The following MALRD1 variants were observed in gnomAD, a reference collection of about 807,000 sequenced individuals.
MALRD1 encodes the protein MAM and LDL-receptor class A domain-containing protein 1.
Under a neutral mutation model 242.1 loss-of-function variants are expected in MALRD1, and 247 were observed. The ratio of observed to expected loss-of-function variants is 1.02; its 90% CI spans 0.92 to 1.13. The LOEUF (loss-of-function observed/expected upper bound fraction) is 1.13. MALRD1 is among the 50% of genes most tolerant of loss of function. MALRD1 has a pLI of 0.00. For missense variants in MALRD1, 2,989 were observed against 2,533.1 expected, an observed-to-expected ratio of 1.18 and a Z score of -3.86; for synonymous variants, 995 against 866.6, an observed-to-expected ratio of 1.15 and a Z score of -2.60.
chr10:19,649,908 T>C (rs950195280), intron 36 of MALRD1, among the ~76,000 whole-genome samples: 3 of 152,128 alleles, frequency 2.0e-5, no homozygotes, highest in African/African-American at 7.2e-5. Context: ...TTATATATGG[T>C]GTGAGGAAGG....
intron 28 of MALRD1, among the ~76,000 whole-genome samples, chr10:19,391,475 G>A (rs1380022412): frequency 6.6e-6 from 1 of 152,150 alleles, no homozygotes; most frequent in African/African-American, 2.4e-5. Context: ...CTAGCTAGAT[G>A]GTAAGCCCAA....
chr10:19,308,835 GA>G (rs1457061332), intron 21 of MALRD1, among the ~76,000 whole-genome samples: 1 of 151,582 alleles, frequency 6.6e-6, no homozygotes, highest in Non-Finnish European at 1.5e-5. Context: ...TCCAAATTCA[GA>G]GAAAGAAATG....
rs1833971490 is a variant in MALRD1, at chr10:19,708,587, T to C, written c.6314+16033T>C. Among the ~76,000 whole-genome samples the C allele has an allele frequency of 2.6e-5, 3 of 114,652 alleles. 1 individual carries two copies. Among genetic ancestry groups the C allele is most frequent in the Non-Finnish European group, 6.0e-5 (3 of 50,312 alleles). 75.2% of individuals were successfully genotyped at this position (114,652 alleles called of 152,430 possible). ...ATTCAAACTCCTGGGCTCAAGTGAT[T>C]CTCCTGCCGGGGCCTCCCAAAGTAC... On this transcript the variant is annotated intron_variant, in intron 38 of 39. Coordinates refer to ENST00000454679, the MANE Select transcript of MALRD1 (RefSeq NM_001142308.3).
chr10:19,306,280 C>T (rs527592577), intron 21 of MALRD1, among the ~76,000 whole-genome samples: 9 of 128,080 alleles, frequency 7.0e-5, no homozygotes, highest in South Asian at 2.3e-4. Context: ...CTATATATAC[C>T]GTATATAGTA....
intron 26 of MALRD1, among the ~76,000 whole-genome samples, chr10:19,359,480 T>C (rs1263570911): frequency 1.3e-5 from 2 of 152,050 alleles, no homozygotes; most frequent in Non-Finnish European, 2.9e-5. Flanking sequence ...CTGTTCATCA[T>C]GGGTGTTGCT....
At chr10:19,224,261 C>G (rs1330007000) in intron 18 of MALRD1, among the ~76,000 whole-genome samples, 1 of 150,768 alleles carries the variant, frequency 6.6e-6, no homozygotes, top group Admixed American at 6.7e-5. Flanking sequence ...GAGATGGTAT[C>G]TCATTGGACC....
intron 29 of MALRD1, among the ~76,000 whole-genome samples, chr10:19,479,851 C>T (rs375335558): frequency 5.3e-5 from 8 of 152,154 alleles, no homozygotes; most frequent in East Asian, 3.9e-4. Context: ...TTTCCATCCA[C>T]GTGGAGAGGT....
chr10:19,541,892 A>G (rs1490508516), intron 32 of MALRD1, among the ~76,000 whole-genome samples: 1 of 152,222 alleles, frequency 6.6e-6, no homozygotes, highest in Non-Finnish European at 1.5e-5. Flanking sequence ...AAACCATAGG[A>G]TGGCAAAAAA....
At chr10:19,315,569 A>ATATATAAATTATAAATTATAAATATT (rs1280643539) in intron 21 of MALRD1, among the ~76,000 whole-genome samples, 2 of 123,916 alleles carry the variant, frequency 1.6e-5, no homozygotes, top group South Asian at 2.4e-4. Context: ...ATTTATATAA[A>ATATATAAATTATAAATTATAAATATT]TATATAAATT....
intron 36 of MALRD1, among the ~76,000 whole-genome samples, chr10:19,649,079 T>C (rs1840763090): frequency 6.6e-6 from 1 of 152,232 alleles, no homozygotes; most frequent in African/African-American, 2.4e-5. Context: ...CTTGTTCTTT[T>C]TATGGCTGCA....
At chr10:19,384,243 T>TTA (rs1026831220) in intron 26 of MALRD1, among the ~76,000 whole-genome samples, 4 of 142,876 alleles carry the variant, frequency 2.8e-5, no homozygotes, top group African/African-American at 1.0e-4. Context: ...TTGTAAGAGT[T>TTA]TATATATATA....
chr10:19,631,245 T>G (rs909874005), intron 36 of MALRD1, among the ~76,000 whole-genome samples: 2 of 152,190 alleles, frequency 1.3e-5, no homozygotes, highest in African/African-American at 4.8e-5. Flanking sequence ...ACAGGTGGAA[T>G]GTAGTTTTTT....
intron 29 of MALRD1, among the ~76,000 whole-genome samples, chr10:19,451,270 C>T (rs1489646770): frequency 3.3e-5 from 5 of 151,932 alleles, no homozygotes; most frequent in African/African-American, 9.7e-5. Context: ...TAAATTCAAT[C>T]AGGCAAAATT....
chr10:19,687,910 AATGTTATGTTATGTT>A (rs55753738), intron 36 of MALRD1, among the ~76,000 whole-genome samples: 39,334 of 137,152 alleles, frequency 0.29, 5,991 homozygotes, highest in African/African-American at 0.37. Flanking sequence ...TTATTTTTTT[AATGTTATGTTATGTT>A]ATGTTATGTT....
chr10:19,316,342 G>T (rs950709853), intron 21 of MALRD1, among the ~76,000 whole-genome samples: 3 of 151,826 alleles, frequency 2.0e-5, no homozygotes, highest in South Asian at 2.1e-4. Flanking sequence ...TCAAAAACAA[G>T]ACTTTCTTGG....
intron 18 of MALRD1, among the ~76,000 whole-genome samples, chr10:19,242,788 C>T (rs1156567926): frequency 2.0e-5 from 3 of 151,762 alleles, no homozygotes; most frequent in Admixed American, 6.6e-5. Context: ...TATATTTTTC[C>T]ATCTCTTCAC....
intron 36 of MALRD1, among the ~76,000 whole-genome samples, chr10:19,673,164 C>G (rs536285902): frequency 6.6e-6 from 1 of 151,992 alleles, no homozygotes; most frequent in African/African-American, 2.4e-5. Flanking sequence ...GGGCAGATCC[C>G]GAGGTCAGGA....
intron 21 of MALRD1, among the ~76,000 whole-genome samples, chr10:19,298,613 T>C (rs1385012453): frequency 1.3e-5 from 2 of 152,020 alleles, no homozygotes; most frequent in Non-Finnish European, 2.9e-5. Flanking sequence ...AGAGAATGAC[T>C]GTGGAACCTT....
At chr10:19,337,793 T>TG (rs1257450123) in intron 24 of MALRD1, among the ~76,000 whole-genome samples, 2 of 152,080 alleles carry the variant, frequency 1.3e-5, no homozygotes, top group African/African-American at 4.8e-5. Flanking sequence ...CTGGGTGCGG[T>TG]GGTTCACGAC....
Sources: gnomAD v4.1 joint callset for allele counts (sites outside exome capture counted in the v4.1 genomes callset) on GRCh38, gnomAD v4.1.1 for gene constraint, MANE v1.5 for transcripts, NCBI Gene and HGNC (gene_info 2026-07-23, HGNC 2026-07-21) for gene names.